The following SH3D19 variants were observed in gnomAD, a reference collection of about 807,000 sequenced individuals.
SH3D19 encodes the protein SH3 domain containing 19.
In SH3D19, 58 loss-of-function variants were observed where a neutral mutation model predicts 112.1. The ratio of observed to expected loss-of-function variants is 0.52; its 90% CI spans 0.42 to 0.64. SH3D19 has a LOEUF of 0.64. Ranked by LOEUF, SH3D19 falls within the 30% of genes least tolerant of loss-of-function variation. SH3D19 has a pLI of 0.00. For missense variants in SH3D19, 1,090 were observed against 1,263.4 expected (o/e 0.86, Z 2.08); for synonymous variants, 391 against 448.5 (o/e 0.87, Z 1.62).
chr4:151,143,409 G>A (rs2149765985), intron 12 of SH3D19, among the ~76,000 whole-genome samples: 1 of 151,970 alleles, frequency 6.6e-6, no homozygotes, highest in East Asian at 1.9e-4. Context: ...CTTGCCCCGT[G>A]GGAGCTAAAG....
chr4:151,275,801 G>A (rs1051378610), intron 1 of SH3D19, among the ~76,000 whole-genome samples: 18 of 151,360 alleles, frequency 1.2e-4, no homozygotes, highest in East Asian at 2.0e-4. Context: ...GATAATAGGC[G>A]TAAGCTACCA....
chr4:151,303,188 G>C (rs1483391459), intron 1 of SH3D19, among the ~76,000 whole-genome samples: 1 of 152,178 alleles, frequency 6.6e-6, no homozygotes, highest in Non-Finnish European at 1.5e-5. Context: ...ATGAGGATTT[G>C]CTTTTCGAGT....
rs78285240 is a variant in SH3D19 at position 151,230,120 on chromosome 4, C to T, written c.113-4034G>A. On this transcript the variant is annotated intron_variant, in intron 1 of 19. Coordinates refer to ENST00000604030, the MANE Select transcript of SH3D19 (RefSeq NM_001378122.1). ...AGAACTCCAGATTATCCACATTTTC[C>T]TTTCATGTCAACTTGGTTCTATGTA... 6.8e-3 allele frequency among the ~76,000 whole-genome samples: 1,037 copies of T among 152,262 alleles called. 9 individuals carry two copies. Among genetic ancestry groups the T allele is most frequent in the African/African-American group, 0.024 (1,001 of 41,532 alleles).
intron 8 of SH3D19, among the ~76,000 whole-genome samples, chr4:151,165,153 C>A (rs1369950666): frequency 6.6e-6 from 1 of 152,168 alleles, no homozygotes; most frequent in Non-Finnish European, 1.5e-5. Flanking sequence ...CCCAGCCTGA[C>A]CAATGTGGTG....
At chr4:151,128,728 C>A (rs557777751) in intron 17 of SH3D19, among the ~76,000 whole-genome samples, 82 of 152,304 alleles carry the variant, frequency 5.4e-4, no homozygotes, top group Non-Finnish European at 9.4e-4. Context: ...GCAGCCTTGA[C>A]TTCCTGGGCT....
At chr4:151,169,227 G>A (rs570822695) in intron 7 of SH3D19, among the ~76,000 whole-genome samples, 7 of 152,120 alleles carry the variant, frequency 4.6e-5, no homozygotes, top group East Asian at 1.9e-4. Flanking sequence ...TTTTAATACC[G>A]TTAGCTGTTT....
At chr4:151,147,236 AG>A (rs1754080549) in intron 11 of SH3D19, among the ~76,000 whole-genome samples, 2 of 152,164 alleles carry the variant, frequency 1.3e-5, no homozygotes, top group African/African-American at 4.8e-5. Context: ...ACTGCACTCG[AG>A]TCTGGGTGAT....
intron 1 of SH3D19, chr4:151,282,304 C>A: frequency 4.3e-6 from 7 of 1,613,954 alleles, no homozygotes; most frequent in Non-Finnish European, 5.1e-6. Flanking sequence ...CCTCTCAAGT[C>A]ACCTTCACTT....
At chr4:151,196,568 T>G (rs1003969567) in intron 2 of SH3D19, among the ~76,000 whole-genome samples, 58 of 152,084 alleles carry the variant, frequency 3.8e-4, no homozygotes, top group Admixed American at 8.5e-4. Context: ...AGTATTAGTT[T>G]TTTTTTTTTA....
intron 9 of SH3D19, among the ~76,000 whole-genome samples, chr4:151,154,599 C>T (rs1224370667): frequency 6.7e-6 from 1 of 149,796 alleles, no homozygotes; most frequent in Non-Finnish European, 1.5e-5. Flanking sequence ...TTTTTTGAGA[C>T]AGAGGCTTGC....
chr4:151,155,168 C>T (rs565966084), intron 9 of SH3D19, among the ~76,000 whole-genome samples: 1 of 152,316 alleles, frequency 6.6e-6, no homozygotes, highest in South Asian at 2.1e-4. Context: ...CCTCTCACTC[C>T]TTTTTATAAC....
intron 1 of SH3D19, among the ~76,000 whole-genome samples, chr4:151,309,275 T>C (rs555652314): frequency 5.9e-5 from 9 of 152,324 alleles, no homozygotes; most frequent in East Asian, 1.9e-4. Flanking sequence ...AATGAACACA[T>C]ACAGTGCTTT....
In SH3D19 at chr4:151,175,571, T is replaced by C; in HGVS notation, c.633A>G (p.Glu211=). 1.5e-6 allele frequency: 2 copies of C among 1,348,222 alleles called. No individual in the cohort carries two copies. The highest frequency in any genetic ancestry group is 1.9e-6 in the Non-Finnish European group (2 of 1,057,044). 83.5% of individuals were successfully genotyped at this position (1,348,222 alleles called of 1,614,324 possible). ...APLIVFDISE[E]PNCPENPSAT... ...CACTGGGGTTTTCTGGACAATTCGGTTCTTCAGAAATATCAAAGACGATTA... is the reference window on the plus strand; with the variant it reads ...CACTGGGGTTTTCTGGACAATTCGGCTCTTCAGAAATATCAAAGACGATTA... The change falls in exon 7 of 20, where the codon GAA becomes GAG. Residue 211 remains glutamate (E), a synonymous_variant. Transcript: ENST00000604030.
rs1364145793 is a variant in SH3D19 at position 151,120,454 on chromosome 4, C to A, written c.*1637G>T. The A allele has an allele frequency of 6.6e-6, 1 of 152,384 alleles. No homozygotes were observed. Among genetic ancestry groups the A allele is most frequent in the Non-Finnish European group, 1.5e-5 (1 of 68,008 alleles). The allele number at this position is 152,384 out of a possible 1,614,324, so 9.4% of individuals were successfully genotyped here. On this transcript the variant is annotated 3_prime_UTR_variant, in exon 20 of 20. Coordinates refer to ENST00000604030, the MANE Select transcript of SH3D19 (RefSeq NM_001378122.1). Reference sequence around the variant, plus strand: ...AAATTATAAAGGCAAAGATATATACCTCATGTTCCATTCCATATCCTTCCT... The same window carrying A: ...AAATTATAAAGGCAAAGATATATACATCATGTTCCATTCCATATCCTTCCT...
rs894997010 is a variant in SH3D19 at position 151,282,081 on chromosome 4, T to A, written c.112+43160A>T. On this transcript the variant is annotated intron_variant, in intron 1 of 19. Coordinates refer to ENST00000604030, the MANE Select transcript of SH3D19 (RefSeq NM_001378122.1). ...CCTTTCTTGAGTAGAGACTTAGTGC[T>A]ACATATAGGCAGCCTGTTCTGACCC... 4 of 1,542,046 alleles carry A rather than the reference T, an allele frequency of 2.6e-6. No homozygotes were observed. The East Asian group carries it at 9.0e-5, about 35-fold the overall frequency.
chr4:151,155,655 G>A (rs1005116076), intron 9 of SH3D19, among the ~76,000 whole-genome samples: 1 of 152,174 alleles, frequency 6.6e-6, no homozygotes, highest in South Asian at 2.1e-4. Context: ...AGAGGCCGAG[G>A]CGGATGGACC....
chr4:151,297,892 T>C (rs1347255459), intron 1 of SH3D19, among the ~76,000 whole-genome samples: 1 of 152,128 alleles, frequency 6.6e-6, no homozygotes, highest in East Asian at 1.9e-4. Context: ...CATGGCTTCT[T>C]ATAAGAGTAA....
At chr4:151,310,789 C>T (rs1364254990) in intron 1 of SH3D19, among the ~76,000 whole-genome samples, 1 of 151,540 alleles carries the variant, frequency 6.6e-6, no homozygotes, top group Non-Finnish European at 1.5e-5. Context: ...CCAGGCTGGT[C>T]TCGAACTCCT....
intron 8 of SH3D19, among the ~76,000 whole-genome samples, chr4:151,160,235 C>T (rs1434787252): frequency 1.3e-5 from 2 of 151,922 alleles, no homozygotes; most frequent in African/African-American, 2.4e-5. Context: ...TACAGGCACC[C>T]GCCACCACGC....
Sources: gnomAD v4.1 joint callset for allele counts (sites outside exome capture counted in the v4.1 genomes callset) on GRCh38, gnomAD v4.1.1 for gene constraint, MANE v1.5 for transcripts, NCBI Gene and HGNC (gene_info 2026-07-23, HGNC 2026-07-21) for gene names.